The following DRICH1 variants were observed in gnomAD, a reference collection of about 807,000 sequenced individuals.
The protein encoded by DRICH1 is aspartate-rich protein 1.
A neutral mutation model predicts 39.5 loss-of-function variants in DRICH1; 38 were observed. The ratio of observed to expected loss-of-function variants is 0.96; its 90% CI spans 0.74 to 1.26. DRICH1 has a LOEUF of 1.26. Among genes scored for constraint, DRICH1 ranks in the 50% most tolerant of loss-of-function variants. The probability of loss-of-function intolerance (pLI) is 0.00; values close to 1 mark genes in which losing one functional copy is unlikely to be tolerated. For synonymous variants in DRICH1, 84 were observed against 99.5 expected, an observed-to-expected ratio of 0.84 and a Z score of 0.93; for missense variants, 279 against 270.4, an observed-to-expected ratio of 1.03 and a Z score of -0.22.
rs1353399124 is a variant in DRICH1, at chr22:23,625,014, G to C, written c.277-110C>G. 4.8e-6 allele frequency: 6 copies of C among 1,238,836 alleles called. No homozygotes were observed. In the Admixed American group the frequency reaches 1.2e-4, roughly 24 times the overall value. The allele number at this position is 1,238,836 out of a possible 1,614,324, so 76.7% of individuals were successfully genotyped here. On this transcript the variant is annotated intron_variant, in intron 2 of 11. Transcript: ENST00000317749. ...TTCAGAAAACTACTTTTGAAACAGT[G>C]GTTGAGTCCATGTCAAAGACAAAAC...
chr22:23,600,421 G>A, the DRICH1 span, among the ~76,000 whole-genome samples: 1 of 152,176 alleles, frequency 6.6e-6, no homozygotes, highest in Admixed American at 6.5e-5. Flanking sequence ...AGTTCCTGGG[G>A]ATCCCTGAGA....
chr22:23,581,011 C>G, the DRICH1 span: 1 of 152,210 alleles, frequency 6.6e-6, no homozygotes, highest in African/African-American at 2.4e-5. Context: ...ATATATTTAC[C>G]ACCTACAGTG....
chr22:23,598,370 G>C, the DRICH1 span, among the ~76,000 whole-genome samples: 1,043 of 150,738 alleles, frequency 6.9e-3, 8 homozygotes, highest in African/African-American at 0.023. Context: ...CCGTGGGCCT[G>C]GCACTCCCTA....
chr22:23,610,588 C>T (rs867557217), intron 11 of DRICH1: 6 of 152,190 alleles, frequency 3.9e-5, no homozygotes, highest in Admixed American at 1.3e-4. Flanking sequence ...ACTGACTGCC[C>T]GCGGGGACTC....
intron 11 of DRICH1, among the ~76,000 whole-genome samples, chr22:23,610,928 G>A (rs1926999453): frequency 6.7e-6 from 1 of 149,152 alleles, no homozygotes; most frequent in Admixed American, 6.7e-5. Context: ...GTCTGCTCTG[G>A]GTGATTCTCT....
the DRICH1 span, among the ~76,000 whole-genome samples, chr22:23,588,974 C>T: frequency 6.6e-6 from 1 of 151,970 alleles, no homozygotes; most frequent in Admixed American, 6.6e-5. Context: ...ATGCTTCTGC[C>T]GAACATGATG....
chr22:23,628,116 T>G (rs1285479976), intron 1 of DRICH1, among the ~76,000 whole-genome samples: 1 of 152,176 alleles, frequency 6.6e-6, no homozygotes, highest in African/African-American at 2.4e-5. Flanking sequence ...GTGTGCTGGA[T>G]TCCACAGAAG....
the DRICH1 span, among the ~76,000 whole-genome samples, chr22:23,598,069 G>A: frequency 0.23 from 31,409 of 135,866 alleles, 2,953 homozygotes; most frequent in East Asian, 0.35. Context: ...CAGGGCCACC[G>A]GAGCTGGGAA....
At chr22:23,603,882 C>T (rs1412765592), downstream of DRICH1, among the ~76,000 whole-genome samples, 1 of 152,180 alleles carries the variant, frequency 6.6e-6, no homozygotes, top group Non-Finnish European at 1.5e-5. Flanking sequence ...AAGCCAAGCC[C>T]TTGCTGCCTT....
At chr22:23,587,065 C>T in the DRICH1 span, among the ~76,000 whole-genome samples, 1 of 152,158 alleles carries the variant, frequency 6.6e-6, no homozygotes, top group Non-Finnish European at 1.5e-5. Context: ...TACCTGTGCC[C>T]TTATCGTGCA....
At position 23,613,278 on chromosome 22, in the gene DRICH1, T is replaced by C. The variant is rs1927148171; in HGVS notation, c.685+11A>G. Reference sequence around the variant, plus strand: ...TTCCCATTGGGTTTTTGCTGGCACGTAGTTCCCTACCTGGATGAATCTCTT... The same window carrying C: ...TTCCCATTGGGTTTTTGCTGGCACGCAGTTCCCTACCTGGATGAATCTCTT... On this transcript the variant is annotated intron_variant, in intron 11 of 11. Transcript: ENST00000317749. The C allele has an allele frequency of 6.2e-7, 1 of 1,610,950 alleles. No individual in the cohort carries two copies. The highest frequency in any genetic ancestry group is 8.5e-7 in the Non-Finnish European group (1 of 1,178,088).
At chr22:23,596,470 G>A in the DRICH1 span, among the ~76,000 whole-genome samples, 1 of 152,078 alleles carries the variant, frequency 6.6e-6, no homozygotes, top group Non-Finnish European at 1.5e-5. Flanking sequence ...CGCCCAGGCT[G>A]GTTTAAACTC....
intron 8 of DRICH1, 147 bp downstream of exon 8, chr22:23,616,706 G>A (rs556768778): frequency 4.5e-6 from 5 of 1,102,604 alleles, no homozygotes; most frequent in Admixed American, 3.9e-5. Flanking sequence ...CATTTCTACA[G>A]CCCCTCTTCT....
chr22:23,602,413 A>T, the DRICH1 span, among the ~76,000 whole-genome samples: 1 of 151,260 alleles, frequency 6.6e-6, no homozygotes, highest in South Asian at 2.1e-4. Context: ...GGCTGAGAGC[A>T]GGGGCTCACC....
chr22:23,621,420 T>C (rs1569093167), intron 4 of DRICH1, among the ~76,000 whole-genome samples: 1 of 144,166 alleles, frequency 6.9e-6, no homozygotes, highest in Non-Finnish European at 1.5e-5. Flanking sequence ...AAGACAACCA[T>C]AAAAAAAAAA....
At chr22:23,630,670 C>T (rs1371769988) in intron 1 of DRICH1, 1 of 152,214 alleles carries the variant, frequency 6.6e-6, no homozygotes, top group Non-Finnish European at 1.5e-5. Flanking sequence ...AAACACTACA[C>T]ATTAATTCAC....
At chr22:23,616,603 G>C (rs1180223703) in intron 8 of DRICH1, among the ~76,000 whole-genome samples, 1 of 152,076 alleles carries the variant, frequency 6.6e-6, no homozygotes, top group Non-Finnish European at 1.5e-5. Flanking sequence ...ACCAACATCA[G>C]GATAAGTCAG....
At chr22:23,612,858 C>T (rs376803841) in intron 11 of DRICH1, among the ~76,000 whole-genome samples, 1 of 152,120 alleles carries the variant, frequency 6.6e-6, no homozygotes, top group African/African-American at 2.4e-5. Context: ...GGGTGATTCT[C>T]GATTTCCCCT....
chr22:23,628,303 A>T (rs74540360), intron 1 of DRICH1, among the ~76,000 whole-genome samples: 1,809 of 152,312 alleles, frequency 0.012, 33 homozygotes, highest in African/African-American at 0.041. Context: ...ACAGTGGCTC[A>T]CGCCTGTAAT....
Sources: gnomAD v4.1 joint callset for allele counts (sites outside exome capture counted in the v4.1 genomes callset) on GRCh38, gnomAD v4.1.1 for gene constraint, MANE v1.5 for transcripts, NCBI Gene and HGNC (gene_info 2026-07-23, HGNC 2026-07-21) for gene names.